The following ATOSA variants were observed in gnomAD, a reference collection of about 807,000 sequenced individuals.
ATOSA encodes the protein atos homolog protein A.
chr15:52,587,035 T>G, the ATOSA span: 1 of 1,565,950 alleles, frequency 6.4e-7, no homozygotes, highest in Non-Finnish European at 8.6e-7. Context: ...CAAACAAAGC[T>G]GCAGCCCCAC....
chr15:52,697,998 A>G, the ATOSA span, among the ~76,000 whole-genome samples: 3 of 87,718 alleles, frequency 3.4e-5, no homozygotes, highest in Non-Finnish European at 6.6e-5. Context: ...TTTTTGTGAG[A>G]CAGAGTCTGG....
chr15:52,585,127 AG>A, the ATOSA span: 2 of 509,292 alleles, frequency 3.9e-6, no homozygotes, highest in Non-Finnish European at 6.7e-6. Context: ...ATTTTTTAAA[AG>A]GTTCAATTTT....
the ATOSA span, among the ~76,000 whole-genome samples, chr15:52,604,150 C>T: frequency 3.9e-5 from 6 of 152,226 alleles, no homozygotes; most frequent in South Asian, 6.2e-4. Flanking sequence ...GGCCGGGCGC[C>T]GTGGCCCACG....
At chr15:52,666,793 T>C in the ATOSA span, among the ~76,000 whole-genome samples, 1 of 152,174 alleles carries the variant, frequency 6.6e-6, no homozygotes, top group East Asian at 1.9e-4. Flanking sequence ...ATGAAGCTTA[T>C]ATTCCTGTTG....
chr15:52,618,246 AG>A, the ATOSA span, among the ~76,000 whole-genome samples: 4 of 152,060 alleles, frequency 2.6e-5, no homozygotes, highest in African/African-American at 9.7e-5. Context: ...TCACCGTGTT[AG>A]CCAGCATGGT....
At chr15:52,602,138 G>A in the ATOSA span, among the ~76,000 whole-genome samples, 4 of 151,596 alleles carry the variant, frequency 2.6e-5, no homozygotes, top group Admixed American at 2.0e-4. Context: ...TTCATTCTAG[G>A]TGCTTCCTAA....
chr15:52,590,976 C>T, the ATOSA span, among the ~76,000 whole-genome samples: 4 of 152,188 alleles, frequency 2.6e-5, no homozygotes, highest in African/African-American at 7.2e-5. Flanking sequence ...CAATCATCTG[C>T]GTGTACATCT....
chr15:52,584,725 A>G, the ATOSA span: 2 of 1,594,838 alleles, frequency 1.3e-6, no homozygotes, highest in South Asian at 1.1e-5. Context: ...TAACATTTTC[A>G]TATTAATTTG....
the ATOSA span, chr15:52,613,845 T>C: frequency 6.2e-7 from 1 of 1,613,554 alleles, no homozygotes; most frequent in Non-Finnish European, 8.5e-7. Context: ...TTCAAAATAT[T>C]CATCCAGAGT....
chr15:52,655,088 C>T, the ATOSA span, among the ~76,000 whole-genome samples: 1 of 152,008 alleles, frequency 6.6e-6, no homozygotes, highest in African/African-American at 2.4e-5. Flanking sequence ...GTAACTAGAA[C>T]CAAGTGGGTA....
At chr15:52,627,783 G>A in the ATOSA span, among the ~76,000 whole-genome samples, 5 of 152,022 alleles carry the variant, frequency 3.3e-5, no homozygotes, top group Admixed American at 1.3e-4. Flanking sequence ...ACACAGGACT[G>A]AAATGATTAC....
At chr15:52,645,385 G>C in the ATOSA span, among the ~76,000 whole-genome samples, 15 of 152,282 alleles carry the variant, frequency 9.9e-5, no homozygotes, top group African/African-American at 2.9e-4. Context: ...GCTGAAGTGA[G>C]CCAAGATCAC....
chr15:52,615,188 G>GCAAA, the ATOSA span, among the ~76,000 whole-genome samples: 1 of 152,204 alleles, frequency 6.6e-6, no homozygotes, highest in East Asian at 1.9e-4. Context: ...TATGTGGAGT[G>GCAAA]TGGTATTCTG....
the ATOSA span, chr15:52,658,275 G>A: frequency 6.6e-6 from 1 of 152,364 alleles, no homozygotes; most frequent in East Asian, 1.9e-4. Context: ...AGACACAGAT[G>A]TTTAGAGATC....
At chr15:52,619,076 G>A in the ATOSA span, among the ~76,000 whole-genome samples, 2 of 152,036 alleles carry the variant, frequency 1.3e-5, no homozygotes, top group African/African-American at 4.8e-5. Flanking sequence ...AGTATTGAAA[G>A]GAATACTATG....
chr15:52,608,228 A>G, the ATOSA span, among the ~76,000 whole-genome samples: 1 of 152,116 alleles, frequency 6.6e-6, no homozygotes, highest in African/African-American at 2.4e-5. Context: ...GGCCTTTAAG[A>G]TGGGGGAGCA....
chr15:52,635,141 A>G, the ATOSA span, among the ~76,000 whole-genome samples: 1 of 152,214 alleles, frequency 6.6e-6, no homozygotes, highest in Non-Finnish European at 1.5e-5. Context: ...TAGCTTCAAA[A>G]TGTACGAAGC....
chr15:52,596,308 T>C, the ATOSA span, among the ~76,000 whole-genome samples: 6 of 152,134 alleles, frequency 3.9e-5, no homozygotes, highest in South Asian at 2.1e-4. Flanking sequence ...TTTGTGGAAA[T>C]AGACAAGATG....
chr15:52,640,057 C>T, the ATOSA span, among the ~76,000 whole-genome samples: 3 of 151,650 alleles, frequency 2.0e-5, no homozygotes, highest in Non-Finnish European at 4.4e-5. Flanking sequence ...CGTGCCTGGC[C>T]GATGAATATT....
Sources: gnomAD v4.1 joint callset for allele counts (sites outside exome capture counted in the v4.1 genomes callset) on GRCh38, gnomAD v4.1.1 for gene constraint, MANE v1.5 for transcripts, NCBI Gene and HGNC (gene_info 2026-07-23, HGNC 2026-07-21) for gene names.